SETDB2: variants seen among roughly 807,000 people sequenced by gnomAD.
The protein encoded by SETDB2 is histone-lysine N-methyltransferase SETDB2.
A neutral mutation model predicts 82.5 loss-of-function variants in SETDB2; 56 were observed. That is an observed-to-expected ratio of 0.68 (90% CI 0.55 to 0.85). The LOEUF (loss-of-function observed/expected upper bound fraction) is 0.85, where lower values mean the gene tolerates loss of function less well. SETDB2 is among the 40% of genes least tolerant of loss of function. The probability of loss-of-function intolerance (pLI) is 0.00; values close to 1 mark genes in which losing one functional copy is unlikely to be tolerated. For synonymous variants in SETDB2, 272 were observed against 284.9 expected (o/e 0.95, Z 0.46); for missense variants, 677 against 816.4 (o/e 0.83, Z 2.08).
intron 2 of SETDB2, among the ~76,000 whole-genome samples, chr13:49,457,865 T>C (rs1957921070): frequency 6.6e-6 from 1 of 152,234 alleles, no homozygotes; most frequent in African/African-American, 2.4e-5. Context: ...CAAAAGCTAT[T>C]TTTAAATACT....
At chr13:49,482,125 C>T in intron 8 of SETDB2, 2 of 985,288 alleles carry the variant, frequency 2.0e-6, no homozygotes, top group Non-Finnish European at 2.4e-6. Flanking sequence ...CAGGTGGTGT[C>T]CAGGAAGTAT....
At position 49,492,296 on chromosome 13, in the gene SETDB2, G is replaced by A. The variant is rs1288152105; in HGVS notation, c.*447G>A. On this transcript the variant is annotated 3_prime_UTR_variant, in exon 14 of 14. Transcript: ENST00000611815. ...CCTGGCAAATAATTTACCATTATGA[G>A]CTACAAGGTGGGCAACAGCGCCTGA... 1.7e-5 allele frequency: 3 copies of A among 174,600 alleles called. No individual in the cohort carries two copies. Among genetic ancestry groups the A allele is most frequent in the Non-Finnish European group, 3.7e-5 (3 of 81,358 alleles). The allele number at this position is 174,600 out of a possible 1,614,324, so 10.8% of individuals were successfully genotyped here. A position where few individuals can be genotyped will look rare whatever the true frequency, so the allele number is the denominator to read the frequency against.
At position 49,480,208 on chromosome 13, in the gene SETDB2, C is replaced by T; in HGVS notation, c.870-11C>T. 6.3e-7 allele frequency: 1 copy of T among 1,581,998 alleles called. No individual in the cohort carries two copies. The highest frequency in any genetic ancestry group is 8.6e-7 in the Non-Finnish European group (1 of 1,162,608). On this transcript the variant is annotated splice_polypyrimidine_tract_variant and intron_variant, in intron 6 of 13. Coordinates refer to ENST00000611815, the MANE Select transcript of SETDB2 (RefSeq NM_001160308.3). ...TTTTCATTCTTTCTCCATCCATTGC[C>T]TGCCTTTTAGAACAAAATGTGCATG... is the stretch of plus-strand genomic sequence containing the variant.
chr13:49,477,558 T>G (rs1002230562), intron 6 of SETDB2, among the ~76,000 whole-genome samples: 1 of 152,250 alleles, frequency 6.6e-6, no homozygotes, highest in African/African-American at 2.4e-5. Flanking sequence ...CTTCCAAGAA[T>G]GCATATTTCC....
chr13:49,447,917 C>T lies in SETDB2; in HGVS notation c.-342+3060C>T, dbSNP rs776260457. 7.9e-4 allele frequency among the ~76,000 whole-genome samples: 120 copies of T among 151,690 alleles called. 1 individual carries two copies. Among genetic ancestry groups the T allele is most frequent in the Non-Finnish European group, 1.4e-3 (94 of 67,882 alleles). On this transcript the variant is annotated intron_variant, in intron 1 of 13. Coordinates refer to ENST00000611815, the MANE Select transcript of SETDB2 (RefSeq NM_001160308.3). ...CAGTTTGTATATGATAAAAATTAGC[C>T]GTTCTCTGAAAGTTTTGTACAATTC...
intron 1 of SETDB2, among the ~76,000 whole-genome samples, chr13:49,446,988 G>T (rs1957703224): frequency 6.6e-6 from 1 of 152,124 alleles, no homozygotes; most frequent in African/African-American, 2.4e-5. Context: ...TGTTCCACAG[G>T]TAGTTTATGA....
At chr13:49,466,074 T>C (rs561617697) in intron 4 of SETDB2, among the ~76,000 whole-genome samples, 8 of 152,218 alleles carry the variant, frequency 5.3e-5, no homozygotes, top group Non-Finnish European at 1.2e-4. Context: ...CAACATTCTG[T>C]TGTAAACAGG....
intron 11 of SETDB2, 137 bp from the exon 12 acceptor site, chr13:49,488,153 A>G: frequency 7.8e-7 from 1 of 1,278,424 alleles, no homozygotes; most frequent in South Asian, 2.0e-5. Flanking sequence ...CCTTTATACA[A>G]TTAAAATAAT....
rs1414094682 is a variant in SETDB2, at chr13:49,471,991, G to A, written c.305+4031G>A. The stretch of plus-strand genomic sequence containing the variant: ...TAGTCATGTTGCCCAGGCTGATCTT[G>A]ATCTCCTGGGCTCAATGAATCCTCC... On this transcript the variant is annotated intron_variant, in intron 5 of 13. Transcript: ENST00000611815. Among the ~76,000 whole-genome samples, 3 of 140,504 alleles carry A rather than the reference G, an allele frequency of 2.1e-5. No homozygotes were observed. In the East Asian group the frequency reaches 6.3e-4, roughly 30 times the overall value. The allele number at this position is 140,504 out of a possible 152,430, so 92.2% of individuals were successfully genotyped here.
chr13:49,461,746 C>A (rs1486154121), intron 4 of SETDB2, among the ~76,000 whole-genome samples: 3 of 152,174 alleles, frequency 2.0e-5, no homozygotes, highest in Admixed American at 6.5e-5. Context: ...GACACTACTA[C>A]CCAGAGTTAG....
At chr13:49,483,315 C>T (rs1958515799) in intron 9 of SETDB2, 149 bp from the exon 10 acceptor site, 1 of 402,880 alleles carries the variant, frequency 2.5e-6, no homozygotes. Flanking sequence ...TTTCCTTTCT[C>T]TAGGGAAAGG....
rs1053752363 is a variant in SETDB2, at chr13:49,444,427, G to A, written c.-772G>A. The A allele has an allele frequency of 2.6e-5, 5 of 188,936 alleles. No individual in the cohort carries two copies. Among genetic ancestry groups the A allele is most frequent in the South Asian group, 7.2e-5 (1 of 13,818 alleles). The allele number at this position is 188,936 out of a possible 1,614,324, so 11.7% of individuals were successfully genotyped here. A position where few individuals can be genotyped will look rare whatever the true frequency, so the allele number is the denominator to read the frequency against. ...GCGTCGGAGGAGAGCCCCACCCGCG[G>A]AGGAACCCAGCCTTGCCAACGGAGC... On this transcript the variant is annotated 5_prime_UTR_variant, in exon 1 of 14. Transcript: ENST00000611815.
rs1278830351 is a variant in SETDB2 at position 49,491,816 on chromosome 13, T to C, written c.2091T>C (p.Cys697=). ...TVPEKEIFCQ[C]GVNKCRKKIL is the part of the protein sequence containing the mutation. ...CTGAGAAGGAAATCTTCTGCCAATGTGGGGTTAATAAATGTAGAAAAAAAA... is the reference window on the plus strand; with the variant it reads ...CTGAGAAGGAAATCTTCTGCCAATGCGGGGTTAATAAATGTAGAAAAAAAA... Residue 697 remains cysteine (C), a synonymous_variant, in exon 14 of 14, where the codon TGT becomes TGC. Transcript: ENST00000611815. The C allele has an allele frequency of 1.2e-6, 2 of 1,612,358 alleles. No homozygotes were observed. Among genetic ancestry groups the C allele is most frequent in the African/African-American group, 2.7e-5 (2 of 74,880 alleles).
At chr13:49,468,059 T>G in intron 5 of SETDB2, 99 bp downstream of exon 5, 1 of 772,390 alleles carries the variant, frequency 1.3e-6, no homozygotes. Flanking sequence ...ACAAAAAAAT[T>G]TTTCCCATTA....
intron 6 of SETDB2, among the ~76,000 whole-genome samples, chr13:49,477,500 GA>G (rs1376303533): frequency 6.6e-6 from 1 of 151,678 alleles, no homozygotes; most frequent in Non-Finnish European, 1.5e-5. Flanking sequence ...CTAGCAGTAG[GA>G]AAAAAAACCT....
At chr13:49,451,204 A>C (rs184069737) in intron 1 of SETDB2, among the ~76,000 whole-genome samples, 425 of 151,238 alleles carry the variant, frequency 2.8e-3, no homozygotes, top group Middle Eastern at 0.01. Context: ...TGTCAGGCAC[A>C]TTATATGTAA....
intron 13 of SETDB2, 143 bp downstream of exon 13, chr13:49,491,053 G>C (rs531990181): frequency 2.1e-4 from 117 of 562,460 alleles, no homozygotes; most frequent in African/African-American, 1.8e-3. Context: ...AGGAGTTTAA[G>C]ACCAGCCAGA....
In SETDB2 at chr13:49,482,887, T is replaced by G; in HGVS notation, c.1307T>G (p.Leu436Trp). Residue 436 changes from leucine to tryptophan, a missense_variant, in exon 9 of 14, where the codon TTG becomes TGG. Coordinates refer to ENST00000611815, the MANE Select transcript of SETDB2 (RefSeq NM_001160308.3). Reference sequence around the variant, plus strand: ...GAAGTTGAAGTTCTCCCATTAGGATTGGAAACACATCCTAGAACTGCTAAA... The same window carrying G: ...GAAGTTGAAGTTCTCCCATTAGGATGGGAAACACATCCTAGAACTGCTAAA... ...DCEVEVLPLG[L>W]ETHPRTAKTE... 1 of 1,613,568 alleles carries G rather than the reference T, an allele frequency of 6.2e-7. No individual in the cohort carries two copies. Among genetic ancestry groups the G allele is most frequent in the East Asian group, 2.2e-5 (1 of 44,754 alleles).
rs976393480 is a variant in SETDB2, at chr13:49,492,979, C to T, written c.*1130C>T. 1 of 152,042 alleles carries T rather than the reference C, an allele frequency of 6.6e-6. No homozygotes were observed. The highest frequency in any genetic ancestry group is 2.4e-5 in the African/African-American group (1 of 41,366). 9.4% of individuals were successfully genotyped at this position (152,042 alleles called of 1,614,324 possible). A position where few individuals can be genotyped will look rare whatever the true frequency, so the allele number is the denominator to read the frequency against. ...TCTCAAAAAAAACAGCACACACACA[C>T]ACACACGAAAACAATTCTGAACTAT... On this transcript the variant is annotated 3_prime_UTR_variant, in exon 14 of 14. Transcript: ENST00000611815.
Sources: gnomAD v4.1 joint callset for allele counts (sites outside exome capture counted in the v4.1 genomes callset) on GRCh38, gnomAD v4.1.1 for gene constraint, MANE v1.5 for transcripts, NCBI Gene and HGNC (gene_info 2026-07-23, HGNC 2026-07-21) for gene names.